Variants in FCMR observed in about 807,000 individuals in gnomAD.
FCMR encodes immunoglobulin mu Fc receptor.
Under a neutral mutation model 41.6 loss-of-function variants are expected in FCMR, and 34 were observed. The ratio of observed to expected loss-of-function variants is 0.82; its 90% CI spans 0.62 to 1.09. FCMR has a LOEUF of 1.09. FCMR is among the 50% of genes least tolerant of loss of function. The probability of loss-of-function intolerance (pLI) is 0.00; values close to 1 mark genes in which losing one functional copy is unlikely to be tolerated. For synonymous variants in FCMR, 209 were observed against 211.8 expected, an observed-to-expected ratio of 0.99 and a Z score of 0.12; for missense variants, 496 against 512.5, an observed-to-expected ratio of 0.97 and a Z score of 0.31.
intron 2 of FCMR, 67 bp downstream of exon 2, chr1:206,913,692 T>C: frequency 7.9e-7 from 1 of 1,259,428 alleles, no homozygotes; most frequent in Non-Finnish European, 1.2e-6. Context: ...GTTAGATGGC[T>C]GTTCCAATCT....
chr1:206,908,247 A>G, intron 7 of FCMR: 1 of 1,266,016 alleles, frequency 7.9e-7, no homozygotes, highest in South Asian at 1.2e-5. Flanking sequence ...AAAGACTGTT[A>G]ATTCCTCATG....
At chr1:206,918,361 C>G (rs1679280411) in intron 1 of FCMR, among the ~76,000 whole-genome samples, 1 of 152,132 alleles carries the variant, frequency 6.6e-6, no homozygotes, top group Admixed American at 6.5e-5. Context: ...GTCCTCCCTC[C>G]CTCTCTCCCC....
In FCMR at chr1:206,913,987, A is replaced by C; in HGVS notation, c.145T>G (p.Cys49Gly). Residue 49 changes from cysteine to glycine, a missense_variant, in exon 2 of 8, where the codon TGC becomes GGC. By Grantham distance (159) the Cys-to-Gly change is radical. Transcript: ENST00000367091. The stretch of plus-strand genomic sequence containing the variant: ...GTTCCAGATCCAGCCATCTCCCGGC[A>C]CAGATATATCCTCACATGCATTTCA... The part of the protein sequence containing the change: ...LPEMHVRIYL[C>G]REMAGSGTCG... 6.2e-7 allele frequency: 1 copy of C among 1,614,202 alleles called. No individual in the cohort carries two copies. The highest frequency in any genetic ancestry group is 8.5e-7 in the Non-Finnish European group (1 of 1,180,028).
rs1334850371 is a variant in FCMR, at chr1:206,909,638, C to CA, written c.985+86dup. The CA allele has an allele frequency of 7.5e-7, 1 of 1,336,404 alleles. No homozygotes were observed. The highest frequency in any genetic ancestry group is 9.6e-7 in the Non-Finnish European group (1 of 1,043,182). 82.8% of individuals were successfully genotyped at this position (1,336,404 alleles called of 1,614,324 possible). A position where few individuals can be genotyped will look rare whatever the true frequency, so the allele number is the denominator to read the frequency against. On this transcript the variant is annotated intron_variant, in intron 6 of 7. Coordinates refer to ENST00000367091, the MANE Select transcript of FCMR (RefSeq NM_005449.5). This position sits in a 1 kb window ranked among gnomAD's most constrained non-coding sequence, Gnocchi z 5.0. ...AGCTCCACCCTGTGGGAAGCCCTGG[C>CA]ACCTGGGAGCGCGCCCCGCTGCGCC...
chr1:206,918,247 C>T (rs1391310892), intron 1 of FCMR, among the ~76,000 whole-genome samples: 1 of 152,132 alleles, frequency 6.6e-6, no homozygotes, highest in Non-Finnish European at 1.5e-5. Context: ...TAGTGCATAC[C>T]CTCAACGGTG....
chr1:206,917,379 C>G (rs1679238939), intron 1 of FCMR, among the ~76,000 whole-genome samples: 1 of 152,106 alleles, frequency 6.6e-6, no homozygotes. Context: ...AAACATCCCG[C>G]TCAGCTTCTT....
chr1:206,919,816 C>T (rs1470021910), intron 1 of FCMR, among the ~76,000 whole-genome samples: 1 of 152,194 alleles, frequency 6.6e-6, no homozygotes, highest in Non-Finnish European at 1.5e-5. Flanking sequence ...ATCCTCTCTT[C>T]CTCCTCAGGC....
intron 7 of FCMR, among the ~76,000 whole-genome samples, chr1:206,906,613 G>GCTC (rs1678656771): frequency 6.6e-6 from 1 of 152,168 alleles, no homozygotes; most frequent in Admixed American, 6.5e-5. Flanking sequence ...AAATGGAAAT[G>GCTC]CTCCCCATGG....
chr1:206,907,549 G>C, intron 7 of FCMR: 1 of 530,652 alleles, frequency 1.9e-6, no homozygotes, highest in South Asian at 1.6e-5. Context: ...GTCTTTTGGA[G>C]TCTGCTGCAT....
chr1:206,906,876 A>T (rs1012110481), intron 7 of FCMR, among the ~76,000 whole-genome samples: 4 of 151,908 alleles, frequency 2.6e-5, no homozygotes, highest in Non-Finnish European at 5.9e-5. Context: ...TCTGGAGTCA[A>T]TGGTCAGTAT....
rs991913284 is a variant in FCMR, at chr1:206,914,007, A to G, written c.125T>C (p.Met42Thr). The change falls in exon 2 of 8, where the codon ATG (methionine) becomes ACG (threonine). Residue 42 changes from methionine to threonine, a missense_variant. Coordinates refer to ENST00000367091, the MANE Select transcript of FCMR (RefSeq NM_005449.5). ...SVTIKCPLPEMHVRIYLCREM... is the reference protein window; with the variant it reads ...SVTIKCPLPETHVRIYLCREM... ...CCGGCACAGATATATCCTCACATGC[A>G]TTTCAGGAAGTGGGCACTTGATGGT... The G allele has an allele frequency of 6.2e-7, 1 of 1,614,164 alleles. No individual in the cohort carries two copies. Among genetic ancestry groups the G allele is most frequent in the African/African-American group, 1.3e-5 (1 of 75,020 alleles).
At chr1:206,905,247 G>C (rs1678576718) in intron 7 of FCMR, 100 bp from the exon 8 acceptor site, 4 of 1,361,298 alleles carry the variant, frequency 2.9e-6, no homozygotes, top group Non-Finnish European at 3.1e-6. Context: ...GGACATGGCT[G>C]CTGAGTTCCA....
chr1:206,907,455 C>T (rs953119028), intron 7 of FCMR, among the ~76,000 whole-genome samples: 3 of 152,224 alleles, frequency 2.0e-5, no homozygotes, highest in Non-Finnish European at 4.4e-5. Context: ...GACCTCTTGG[C>T]TCACTGGCTC....
At chr1:206,912,333 A>G (rs1486096165) in intron 3 of FCMR, among the ~76,000 whole-genome samples, 1 of 152,164 alleles carries the variant, frequency 6.6e-6, no homozygotes, top group African/African-American at 2.4e-5. Context: ...GTTCAATTAC[A>G]CTATCCCTCT....
intron 1 of FCMR, among the ~76,000 whole-genome samples, chr1:206,918,936 C>G (rs1305254076): frequency 2.0e-5 from 3 of 152,186 alleles, no homozygotes; most frequent in African/African-American, 7.2e-5. Context: ...TACTATATAT[C>G]TGAATATTTT....
Position 206,910,236 on chromosome 1 carries a change from A to G in FCMR, c.815T>C (p.Val272Ala). The change falls in exon 5 of 8, where the codon GTG becomes GCG. Residue 272 changes from valine (V) to alanine (A), a missense_variant. Val to Ala is a moderately conservative substitution (Grantham distance 64). Coordinates refer to ENST00000367091, the MANE Select transcript of FCMR (RefSeq NM_005449.5). ...LFLLALLGLV[V>A]KRAVERRKAL... ...TTTCCTCCTTTCAACGGCCCTTTTC[A>G]CCACCAGCCCCAGAAGTGCCAGCAG... 6.2e-7 allele frequency: 1 copy of G among 1,601,818 alleles called. No individual in the cohort carries two copies. Among genetic ancestry groups the G allele is most frequent in the African/African-American group, 1.3e-5 (1 of 74,554 alleles).
At chr1:206,914,146 C>A (rs753421488) in intron 1 of FCMR, 52 bp from the exon 2 acceptor site, 2 of 1,406,570 alleles carry the variant, frequency 1.4e-6, no homozygotes, top group East Asian at 4.6e-5. Flanking sequence ...AACTATATCC[C>A]AGCCCCATCT....
chr1:206,914,232 C>T (rs998556628), intron 1 of FCMR, 138 bp from the exon 2 acceptor site: 3 of 646,600 alleles, frequency 4.6e-6, no homozygotes, highest in African/African-American at 3.6e-5. Flanking sequence ...CAGATCCAGC[C>T]CTGTCCCAAT....
rs1056272013 is a variant in FCMR at position 206,904,319 on chromosome 1, G to A, written c.*700C>T. 1 of 150,274 alleles carries A rather than the reference G, an allele frequency of 6.7e-6. No individual in the cohort carries two copies. The highest frequency in any genetic ancestry group is 1.5e-5 in the Non-Finnish European group (1 of 67,724). 9.3% of individuals were successfully genotyped at this position (150,274 alleles called of 1,614,324 possible). A position where few individuals can be genotyped will look rare whatever the true frequency, so the allele number is the denominator to read the frequency against. On this transcript the variant is annotated 3_prime_UTR_variant, in exon 8 of 8. Transcript: ENST00000367091. ...ATACTTTTTTTTTTTTTTTTTTAGA[G>A]GGGAGATGCTGAGGTCAGGGCACTT...
Sources: gnomAD v4.1 joint callset for allele counts (sites outside exome capture counted in the v4.1 genomes callset) on GRCh38, gnomAD v4.1.1 for gene constraint, Gnocchi (gnomAD v3.1) non-coding constraint, MANE v1.5 for transcripts, NCBI Gene and HGNC (gene_info 2026-07-23, HGNC 2026-07-21) for gene names.